NEGR1: variants seen among roughly 807,000 people sequenced by gnomAD.
NEGR1 encodes the protein neuronal growth regulator 1.
Under a neutral mutation model 40.9 loss-of-function variants are expected in NEGR1, and 10 were observed. The observed-to-expected ratio is 0.24, with a 90% CI of 0.15 to 0.42. The LOEUF is 0.42. Ranked by LOEUF, NEGR1 falls within the 10% of genes least tolerant of loss-of-function variation. The pLI, the probability that NEGR1 is intolerant of heterozygous loss-of-function variation, is 1.00. For missense variants in NEGR1, 352 were observed against 438.9 expected, an observed-to-expected ratio of 0.80 and a Z score of 1.77; for synonymous variants, 185 against 166.8, an observed-to-expected ratio of 1.11 and a Z score of -0.84.
intron 6 of NEGR1, among the ~76,000 whole-genome samples, chr1:71,490,479 T>G (rs554820390): frequency 1.3e-5 from 2 of 152,162 alleles, no homozygotes; most frequent in East Asian, 3.9e-4. Flanking sequence ...ACAACATTGA[T>G]AGACATATAA....
intron 1 of NEGR1, among the ~76,000 whole-genome samples, chr1:72,061,231 G>A (rs1647167305): frequency 6.6e-6 from 1 of 151,592 alleles, no homozygotes; most frequent in African/African-American, 2.4e-5. Flanking sequence ...TGTCTTCTCT[G>A]GTCCAAATTA....
intron 1 of NEGR1, among the ~76,000 whole-genome samples, chr1:71,941,807 T>A (rs1218836788): frequency 6.6e-6 from 1 of 152,134 alleles, no homozygotes; most frequent in African/African-American, 2.4e-5. Flanking sequence ...TTTCATTCAA[T>A]CCTCAAAACA....
chr1:72,042,474 A>G (rs1557497677), intron 1 of NEGR1, among the ~76,000 whole-genome samples: 1 of 152,032 alleles, frequency 6.6e-6, no homozygotes, highest in Non-Finnish European at 1.5e-5. Context: ...AACAAAAACA[A>G]TCAAGAAAGT....
chr1:71,843,828 T>C (rs1659319530), intron 2 of NEGR1, among the ~76,000 whole-genome samples: 1 of 152,314 alleles, frequency 6.6e-6, no homozygotes, highest in South Asian at 2.1e-4. Context: ...TTATCTATTA[T>C]GAATAGAATC....
Position 72,011,971 on chromosome 1 carries a change from G to A in NEGR1, c.177-76660C>T, listed in dbSNP as rs566792902. ...TTTGCAAGGCTGTGAAGAGTCTTAC[G>A]TTTTGTTAAAGAGCCAGGAGTTACA... On this transcript the variant is annotated intron_variant, in intron 1 of 6. Transcript: ENST00000357731. Among the ~76,000 whole-genome samples the A allele has an allele frequency of 7.9e-5, 12 of 152,206 alleles. No homozygotes were observed. The South Asian group carries it at 2.5e-3, about 32-fold the overall frequency.
intron 1 of NEGR1, among the ~76,000 whole-genome samples, chr1:72,270,016 C>T (rs1428935417): frequency 6.6e-6 from 1 of 151,714 alleles, no homozygotes; most frequent in Non-Finnish European, 1.5e-5. Flanking sequence ...ATAAATCTAT[C>T]AATTGTTTTG....
chr1:71,898,272 C>T (rs547881222), intron 2 of NEGR1, among the ~76,000 whole-genome samples: 2 of 152,030 alleles, frequency 1.3e-5, no homozygotes, highest in East Asian at 1.9e-4. Context: ...ACATTTTTAT[C>T]ATCCATATCT....
chr1:71,523,258 T>C (rs1647174181), intron 6 of NEGR1, among the ~76,000 whole-genome samples: 1 of 151,666 alleles, frequency 6.6e-6, no homozygotes, highest in Non-Finnish European at 1.5e-5. Flanking sequence ...TGGGTTGTTG[T>C]GAGGATGTAA....
intron 6 of NEGR1, chr1:71,422,828 A>C (rs1159535389): frequency 6.6e-6 from 1 of 152,208 alleles, no homozygotes; most frequent in Non-Finnish European, 1.5e-5. Flanking sequence ...AGCATCAGAG[A>C]CACAAACATA....
chr1:72,164,856 C>T (rs2100382327), intron 1 of NEGR1, among the ~76,000 whole-genome samples: 1 of 152,092 alleles, frequency 6.6e-6, no homozygotes, highest in East Asian at 1.9e-4. Context: ...TAAGATGGGG[C>T]AGAGGAATAT....
intron 1 of NEGR1, among the ~76,000 whole-genome samples, chr1:72,249,071 G>T (rs143523936): frequency 1.3e-5 from 2 of 152,254 alleles, no homozygotes; most frequent in Non-Finnish European, 2.9e-5. Flanking sequence ...CCTATGTGAG[G>T]GTATCAGGAA....
At chr1:71,886,218 G>T (rs1222120811) in intron 2 of NEGR1, among the ~76,000 whole-genome samples, 1 of 152,112 alleles carries the variant, frequency 6.6e-6, no homozygotes, top group Non-Finnish European at 1.5e-5. Context: ...TTCAAAACTT[G>T]CTAAACATGT....
chr1:71,568,841 T>C (rs1040272144), intron 6 of NEGR1, among the ~76,000 whole-genome samples: 2 of 151,308 alleles, frequency 1.3e-5, no homozygotes, highest in African/African-American at 4.9e-5. Flanking sequence ...TGTGTGTGTG[T>C]GTGTGTGTGT....
At chr1:71,771,626 G>A (rs1656327536) in intron 3 of NEGR1, among the ~76,000 whole-genome samples, 1 of 144,770 alleles carries the variant, frequency 6.9e-6, no homozygotes, top group Non-Finnish European at 1.5e-5. Context: ...TTGAACCTGG[G>A]AGGTGGAGGT....
At chr1:72,111,648 T>A (rs1297372151) in intron 1 of NEGR1, among the ~76,000 whole-genome samples, 1 of 151,788 alleles carries the variant, frequency 6.6e-6, no homozygotes, top group Non-Finnish European at 1.5e-5. Flanking sequence ...TGACAAATGA[T>A]TAATAATGAA....
At chr1:71,553,990 T>C (rs1442562328) in intron 6 of NEGR1, among the ~76,000 whole-genome samples, 2 of 151,528 alleles carry the variant, frequency 1.3e-5, no homozygotes, top group Non-Finnish European at 3.0e-5. Flanking sequence ...AGAAAAGAGT[T>C]TTTTAGTGCA....
At chr1:71,601,679 C>T (rs1320248500) in intron 5 of NEGR1, among the ~76,000 whole-genome samples, 1 of 152,090 alleles carries the variant, frequency 6.6e-6, no homozygotes, top group African/African-American at 2.4e-5. Context: ...GAGTTATAGG[C>T]CATTATCCTA....
chr1:72,014,920 A>T (rs565611113), intron 1 of NEGR1, among the ~76,000 whole-genome samples: 1 of 152,234 alleles, frequency 6.6e-6, no homozygotes, highest in East Asian at 1.9e-4. Context: ...ACAAGAAAGT[A>T]TTCTTTCATA....
chr1:72,074,122 G>A (rs1647609430), intron 1 of NEGR1, among the ~76,000 whole-genome samples: 1 of 151,938 alleles, frequency 6.6e-6, no homozygotes, highest in African/African-American at 2.4e-5. Flanking sequence ...TTCCTTTCAT[G>A]GTGATACATA....
Sources: gnomAD v4.1 joint callset for allele counts (sites outside exome capture counted in the v4.1 genomes callset) on GRCh38, gnomAD v4.1.1 for gene constraint, MANE v1.5 for transcripts, NCBI Gene and HGNC (gene_info 2026-07-23, HGNC 2026-07-21) for gene names.